The following SULT4A1 variants were observed in gnomAD, a reference collection of about 807,000 sequenced individuals.
The protein encoded by SULT4A1 is sulfotransferase 4A1.
A neutral mutation model predicts 35.2 loss-of-function variants in SULT4A1; 11 were observed. The observed-to-expected ratio is 0.31, with a 90% CI of 0.20 to 0.52. The LOEUF (loss-of-function observed/expected upper bound fraction) is 0.52. Among genes scored for constraint, SULT4A1 ranks in the 20% least tolerant of loss-of-function variants. The pLI is 0.97. For missense variants in SULT4A1, 271 were observed against 383.7 expected (o/e 0.71, Z 2.45); for synonymous variants, 152 against 151.8 (o/e 1.00, Z -0.01).
At chr22:43,840,979 C>A (rs1269574640) in intron 2 of SULT4A1, among the ~76,000 whole-genome samples, 4 of 152,252 alleles carry the variant, frequency 2.6e-5, no homozygotes, top group Non-Finnish European at 5.9e-5. Flanking sequence ...CCTCCCAGCG[C>A]TGATCGCTGG....
intron 6 of SULT4A1, chr22:43,826,667 T>C (rs2063289114): frequency 1.7e-5 from 17 of 985,308 alleles, no homozygotes; most frequent in Non-Finnish European, 2.0e-5. Context: ...TTACACTAAG[T>C]AGGAAGCCCT....
intron 5 of SULT4A1, among the ~76,000 whole-genome samples, chr22:43,833,325 C>T (rs940965856): frequency 2.6e-5 from 4 of 152,116 alleles, no homozygotes; most frequent in Admixed American, 6.5e-5. Flanking sequence ...CTCTCCTCAA[C>T]GTCCCATCAA....
intron 1 of SULT4A1, among the ~76,000 whole-genome samples, chr22:43,860,848 G>A (rs759389162): frequency 6.6e-6 from 1 of 152,134 alleles, no homozygotes; most frequent in Non-Finnish European, 1.5e-5. Context: ...GGGCAACGGA[G>A]CACCCATAAG....
At chr22:43,837,595 T>C (rs1031336290) in intron 4 of SULT4A1, among the ~76,000 whole-genome samples, 1 of 152,098 alleles carries the variant, frequency 6.6e-6, no homozygotes, top group East Asian at 1.9e-4. Flanking sequence ...TCCTACCCCT[T>C]GCAGGCAGGG....
chr22:43,842,024 C>G, intron 1 of SULT4A1, 92 bp from the exon 2 acceptor site: 1 of 1,499,130 alleles, frequency 6.7e-7, no homozygotes, highest in Non-Finnish European at 8.9e-7. Flanking sequence ...CAAGAAGGGG[C>G]TCAAGAGCCC....
Position 43,862,501 on chromosome 22 carries a change from C to G in SULT4A1, c.-119G>C. 2.2e-6 allele frequency: 2 copies of G among 923,198 alleles called. No homozygotes were observed. The highest frequency in any genetic ancestry group is 1.3e-6 in the Non-Finnish European group (1 of 776,142). 57.2% of individuals were successfully genotyped at this position (923,198 alleles called of 1,614,324 possible). ...GCCCCACCGGCGCGCGGCGGCAGCT[C>G]CGCAGGCGTGACGTCATGGCGCCGC... is the stretch of plus-strand genomic sequence containing the variant. On this transcript the variant is annotated 5_prime_UTR_variant, in exon 1 of 7. Coordinates refer to ENST00000330884, the MANE Select transcript of SULT4A1 (RefSeq NM_014351.4).
chr22:43,837,498 G>C (rs2063386990), intron 4 of SULT4A1, among the ~76,000 whole-genome samples: 1 of 152,214 alleles, frequency 6.6e-6, no homozygotes, highest in Admixed American at 6.5e-5. Flanking sequence ...CACAAGAGCA[G>C]GTGCCAGGGC....
chr22:43,846,245 G>C (rs895384502), intron 1 of SULT4A1, among the ~76,000 whole-genome samples: 4 of 152,226 alleles, frequency 2.6e-5, no homozygotes, highest in African/African-American at 4.8e-5. Context: ...CTGCTCAGAT[G>C]CCGCTCAGTC....
At chr22:43,839,553 ACTCCAGC>A (rs1474427519) in intron 3 of SULT4A1, among the ~76,000 whole-genome samples, 3 of 152,150 alleles carry the variant, frequency 2.0e-5, no homozygotes, top group African/African-American at 7.2e-5. Context: ...ATGCCACTGC[ACTCCAGC>A]CTGGGCGACA....
At chr22:43,826,894 C>T (rs2063290737) in intron 6 of SULT4A1, 1 of 985,482 alleles carries the variant, frequency 1.0e-6, no homozygotes, top group East Asian at 1.1e-4. Flanking sequence ...CAGACCTCTT[C>T]CTGGCAGCCA....
At chr22:43,844,854 G>T (rs941637834) in intron 1 of SULT4A1, among the ~76,000 whole-genome samples, 21 of 152,160 alleles carry the variant, frequency 1.4e-4, no homozygotes, top group African/African-American at 5.1e-4. Flanking sequence ...CAGGCACTGT[G>T]ACCGGCTCCA....
At chr22:43,857,020 T>A (rs2148307976) in intron 1 of SULT4A1, among the ~76,000 whole-genome samples, 1 of 152,256 alleles carries the variant, frequency 6.6e-6, no homozygotes, top group South Asian at 2.1e-4. Context: ...AGAAGTCTGA[T>A]TAACATGTTA....
rs77117080 is a variant in SULT4A1 at position 43,833,846 on chromosome 22, G to A, written c.509-112C>T. The A allele has an allele frequency of 3.1e-4, 276 of 878,112 alleles. 3 individuals carry two copies. In the East Asian group the frequency reaches 7.2e-3, roughly 23 times the overall value. The allele number at this position is 878,112 out of a possible 1,614,324, so 54.4% of individuals were successfully genotyped here. A position where few individuals can be genotyped will look rare whatever the true frequency, so the allele number is the denominator to read the frequency against. ...CCTGCCACCCAGCAGCCGTGATGAG[G>A]ACATCGTGATCCCTGCGGACAAGTC... On this transcript the variant is annotated intron_variant, in intron 4 of 6. Transcript: ENST00000330884.
At chr22:43,827,961 T>C (rs1358164224) in intron 6 of SULT4A1, among the ~76,000 whole-genome samples, 1 of 152,240 alleles carries the variant, frequency 6.6e-6, no homozygotes, top group African/African-American at 2.4e-5. Context: ...TCCACTGCTC[T>C]GCCTTTATAA....
At chr22:43,829,915 C>T (rs1414213264) in intron 5 of SULT4A1, among the ~76,000 whole-genome samples, 2 of 152,238 alleles carry the variant, frequency 1.3e-5, no homozygotes, top group African/African-American at 2.4e-5. Flanking sequence ...CAAATTCCCG[C>T]ATTAAAGCCT....
At chr22:43,839,380 G>A (rs548623416) in intron 3 of SULT4A1, among the ~76,000 whole-genome samples, 27 of 152,312 alleles carry the variant, frequency 1.8e-4, no homozygotes, top group African/African-American at 6.3e-4. Flanking sequence ...GATCACCTGA[G>A]GTCAGTAGTT....
At chr22:43,852,880 A>G (rs1423024880) in intron 1 of SULT4A1, among the ~76,000 whole-genome samples, 1 of 151,528 alleles carries the variant, frequency 6.6e-6, no homozygotes, top group East Asian at 1.9e-4. Context: ...CACCCACCTC[A>G]CTGGAGCTGC....
chr22:43,836,709 G>A (rs1370075749), intron 4 of SULT4A1, among the ~76,000 whole-genome samples: 2 of 150,668 alleles, frequency 1.3e-5, no homozygotes, highest in Non-Finnish European at 3.0e-5. Context: ...AGGCTCCACA[G>A]GGACCCAGTC....
intron 1 of SULT4A1, among the ~76,000 whole-genome samples, chr22:43,859,416 G>C (rs1319807633): frequency 2.0e-5 from 3 of 152,260 alleles, no homozygotes; most frequent in Admixed American, 2.0e-4. Flanking sequence ...TCAGGGCAGT[G>C]GGTGCTCTGG....
Sources: allele counts gnomAD v4.1 joint callset (sites outside exome capture counted in the v4.1 genomes callset), GRCh38; gene constraint gnomAD v4.1.1; transcripts MANE v1.5; gene names NCBI Gene and HGNC (gene_info 2026-07-23, HGNC 2026-07-21).